The following CPEB3 variants were observed in gnomAD, a reference collection of about 807,000 sequenced individuals.
CPEB3 encodes the protein cytoplasmic polyadenylation element binding protein 3.
Under a neutral mutation model 67.2 loss-of-function variants are expected in CPEB3, and 20 were observed. The ratio of observed to expected loss-of-function variants is 0.30; its 90% CI spans 0.21 to 0.43. CPEB3 has a LOEUF of 0.43. CPEB3 is among the 20% of genes least tolerant of loss of function. CPEB3 has a pLI of 1.00. For synonymous variants in CPEB3, 376 were observed against 393.1 expected (o/e 0.96, Z 0.51); for missense variants, 746 against 968.6 (o/e 0.77, Z 3.05).
chr10:92,237,178 CTAA>C (rs1851581184), intron 2 of CPEB3, among the ~76,000 whole-genome samples: 1 of 152,164 alleles, frequency 6.6e-6, no homozygotes, highest in African/African-American at 2.4e-5. Flanking sequence ...GAAATCAAGT[CTAA>C]TATCCCAGCC....
At chr10:92,289,738 T>A (rs868793362) in intron 1 of CPEB3, among the ~76,000 whole-genome samples, 3,193 of 51,786 alleles carry the variant, frequency 0.062, 109 homozygotes, top group African/African-American at 0.13. Context: ...AAAAAATATA[T>A]ATATATATAT....
intron 2 of CPEB3, among the ~76,000 whole-genome samples, chr10:92,229,835 G>A (rs552740311): frequency 2.0e-5 from 3 of 152,136 alleles, no homozygotes; most frequent in East Asian, 1.9e-4. Context: ...ACCTGAGGTC[G>A]AGAGGTCGGG....
At chr10:92,094,729 T>G (rs1453388192) in intron 7 of CPEB3, among the ~76,000 whole-genome samples, 3 of 152,074 alleles carry the variant, frequency 2.0e-5, no homozygotes, top group Non-Finnish European at 1.5e-5. Context: ...AATGCCTTCA[T>G]GAGGACCTAC....
At chr10:92,089,048 GAC>G (rs1001484323) in intron 8 of CPEB3, among the ~76,000 whole-genome samples, 7 of 152,182 alleles carry the variant, frequency 4.6e-5, no homozygotes, top group African/African-American at 7.2e-5. Flanking sequence ...AGTTTTGCAT[GAC>G]ACATATTTTC....
intron 4 of CPEB3, among the ~76,000 whole-genome samples, chr10:92,166,253 C>T (rs760095847): frequency 3.9e-5 from 6 of 152,030 alleles, no homozygotes; most frequent in East Asian, 1.9e-4. Flanking sequence ...GGATTACAGG[C>T]GTGCACCACC....
intron 6 of CPEB3, among the ~76,000 whole-genome samples, chr10:92,139,233 T>C (rs570479151): frequency 6.7e-5 from 10 of 149,058 alleles, no homozygotes; most frequent in African/African-American, 2.3e-4. Context: ...GCCAAGATTG[T>C]GCCATTGCAC....
At chr10:92,245,113 C>G (rs1250759375) in intron 1 of CPEB3, among the ~76,000 whole-genome samples, 1 of 143,920 alleles carries the variant, frequency 6.9e-6, no homozygotes, top group East Asian at 2.0e-4. Flanking sequence ...TTAAAACAAA[C>G]AAAAACCTAA....
intron 1 of CPEB3, among the ~76,000 whole-genome samples, chr10:92,264,584 C>T (rs1054169013): frequency 3.3e-5 from 5 of 151,908 alleles, no homozygotes; most frequent in South Asian, 2.1e-4. Context: ...GGCATGGTGG[C>T]GCAAGCCTGT....
rs1163974877 is a variant in CPEB3 at position 92,217,206 on chromosome 10, C to CAAAAAAA, written c.1005+22133_1005+22139dup. Among the ~76,000 whole-genome samples, 149 of 25,458 alleles carry CAAAAAAA rather than the reference C, an allele frequency of 5.9e-3. 21 individuals are homozygous for CAAAAAAA. The highest frequency in any genetic ancestry group is 0.026 in the African/African-American group (139 of 5,426). The allele number at this position is 25,458 out of a possible 152,430, so 16.7% of individuals were successfully genotyped here. Reference sequence around the variant, plus strand: ...CTGGCGACACAGCGAGACTCTGCCTCAAAAAAAAAAAAAAAAAAAAAAAAA... The same window carrying CAAAAAAA: ...CTGGCGACACAGCGAGACTCTGCCTCAAAAAAAAAAAAAAAAAAAAAAAAAAAAAAAA... On this transcript the variant is annotated intron_variant, in intron 2 of 9. Coordinates refer to ENST00000265997, the MANE Select transcript of CPEB3 (RefSeq NM_014912.5).
intron 9 of CPEB3, among the ~76,000 whole-genome samples, chr10:92,077,627 T>TA (rs981253746): frequency 3.3e-5 from 5 of 151,968 alleles, no homozygotes; most frequent in Non-Finnish European, 7.4e-5. Flanking sequence ...TGCATGGTGG[T>TA]ATGCACCTGT....
At chr10:92,203,388 G>T (rs1400606537) in intron 2 of CPEB3, among the ~76,000 whole-genome samples, 1 of 144,296 alleles carries the variant, frequency 6.9e-6, no homozygotes, top group African/African-American at 2.5e-5. Context: ...ATATGTATGT[G>T]TATATATATA....
intron 7 of CPEB3, among the ~76,000 whole-genome samples, chr10:92,108,243 T>G (rs1230857948): frequency 6.6e-6 from 1 of 152,198 alleles, no homozygotes; most frequent in Admixed American, 6.5e-5. Flanking sequence ...AGCCAAAAGC[T>G]GGGAGCAAGG....
rs572759848 is a variant in CPEB3 at position 92,049,156 on chromosome 10, C to A, written c.*3056G>T. 1 of 152,238 alleles carries A rather than the reference C, an allele frequency of 6.6e-6. No homozygotes were observed. The highest frequency in any genetic ancestry group is 1.9e-4 in the East Asian group (1 of 5,174). The allele number at this position is 152,238 out of a possible 1,614,324, so 9.4% of individuals were successfully genotyped here. On this transcript the variant is annotated 3_prime_UTR_variant, in exon 10 of 10. Coordinates refer to ENST00000265997, the MANE Select transcript of CPEB3 (RefSeq NM_014912.5). ...GTAGAAAAATGATTTCAGTGAATCACAATGTCTAAAGTTTGCAATGAAAAT... is the reference window on the plus strand; with the variant it reads ...GTAGAAAAATGATTTCAGTGAATCAAAATGTCTAAAGTTTGCAATGAAAAT...
intron 4 of CPEB3, among the ~76,000 whole-genome samples, chr10:92,151,361 G>C (rs1446558689): frequency 6.6e-6 from 1 of 152,064 alleles, no homozygotes; most frequent in Non-Finnish European, 1.5e-5. Flanking sequence ...CAGTCACTTT[G>C]GGGGTTTAAG....
chr10:92,156,541 G>A (rs1245428531), intron 4 of CPEB3, among the ~76,000 whole-genome samples: 1 of 152,078 alleles, frequency 6.6e-6, no homozygotes, highest in Non-Finnish European at 1.5e-5. Context: ...CGTGAGAAGA[G>A]GAAAAGCCAG....
At chr10:92,108,442 AG>A (rs1313160846) in intron 7 of CPEB3, among the ~76,000 whole-genome samples, 2 of 152,160 alleles carry the variant, frequency 1.3e-5, no homozygotes, top group Non-Finnish European at 2.9e-5. Flanking sequence ...TAAATGAGGC[AG>A]GGGGTGGTGG....
At chr10:92,090,629 G>C (rs1220109707) in intron 8 of CPEB3, among the ~76,000 whole-genome samples, 1 of 152,168 alleles carries the variant, frequency 6.6e-6, no homozygotes, top group Non-Finnish European at 1.5e-5. Flanking sequence ...TTGTCCATTT[G>C]TAAAATAAGG....
At chr10:92,265,676 G>T (rs928448001) in intron 1 of CPEB3, among the ~76,000 whole-genome samples, 4 of 151,278 alleles carry the variant, frequency 2.6e-5, no homozygotes, top group Admixed American at 6.6e-5. Flanking sequence ...TTGAACCCAG[G>T]AGGCAGAAGG....
At chr10:92,269,526 C>T (rs570764020) in intron 1 of CPEB3, among the ~76,000 whole-genome samples, 1 of 152,180 alleles carries the variant, frequency 6.6e-6, no homozygotes, top group East Asian at 1.9e-4. Context: ...GTCATTTCAA[C>T]TGTGCATCTT....
Sources: gnomAD v4.1 joint callset for allele counts (sites outside exome capture counted in the v4.1 genomes callset) on GRCh38, gnomAD v4.1.1 for gene constraint, MANE v1.5 for transcripts, NCBI Gene and HGNC (gene_info 2026-07-23, HGNC 2026-07-21) for gene names.